The following POU2AF1 variants were observed in gnomAD, a reference collection of about 807,000 sequenced individuals.
POU2AF1 encodes the protein POU class 2 homeobox associating factor 1.
In POU2AF1, 12 loss-of-function variants were observed where a neutral mutation model predicts 26.3. The ratio of observed to expected loss-of-function variants is 0.46; its 90% CI spans 0.29 to 0.74. The LOEUF (loss-of-function observed/expected upper bound fraction) is 0.74, where lower values mean the gene tolerates loss of function less well. Ranked by LOEUF, POU2AF1 falls within the 30% of genes least tolerant of loss-of-function variation. The probability of loss-of-function intolerance (pLI) is 0.09; values close to 1 mark genes in which losing one functional copy is unlikely to be tolerated. For synonymous variants in POU2AF1, 175 were observed against 148.0 expected, an observed-to-expected ratio of 1.18 and a Z score of -1.32; for missense variants, 297 against 334.5, an observed-to-expected ratio of 0.89 and a Z score of 0.87.
At chr11:111,373,355 C>G (rs1370588322) in intron 1 of POU2AF1, among the ~76,000 whole-genome samples, 2 of 152,180 alleles carry the variant, frequency 1.3e-5, no homozygotes, top group East Asian at 3.9e-4. Context: ...CACCTGGGAG[C>G]CATTTGCAGC....
intron 1 of POU2AF1, among the ~76,000 whole-genome samples, chr11:111,361,916 C>T (rs1408130437): frequency 6.6e-6 from 1 of 152,168 alleles, no homozygotes; most frequent in African/African-American, 2.4e-5. Flanking sequence ...TACCAGGTGT[C>T]CCCCTAGGTC....
At chr11:111,373,792 G>A (rs1460038762) in intron 1 of POU2AF1, among the ~76,000 whole-genome samples, 1 of 152,174 alleles carries the variant, frequency 6.6e-6, no homozygotes, top group East Asian at 1.9e-4. Context: ...GGACAAGAGG[G>A]TTTCAGAGAA....
At chr11:111,360,065 T>C in intron 1 of POU2AF1, 1 of 518,878 alleles carries the variant, frequency 1.9e-6, no homozygotes, top group Non-Finnish European at 3.8e-6. Flanking sequence ...AACCAAAGCA[T>C]TGACCCAAAT....
intron 1 of POU2AF1, chr11:111,360,095 C>T: frequency 1.9e-6 from 1 of 514,958 alleles, no homozygotes; most frequent in East Asian, 5.5e-5. Context: ...TGCATAGGGC[C>T]CTTCCTGGCC....
chr11:111,363,845 G>C (rs911811659), intron 1 of POU2AF1: 4 of 985,232 alleles, frequency 4.1e-6, no homozygotes, highest in Non-Finnish European at 3.6e-6. Context: ...TTAATCCTGT[G>C]GTCTGAGGGC....
Position 111,354,113 on chromosome 11 carries a change from A to G in POU2AF1, c.*148T>C, listed in dbSNP as rs1860792195. 1.0e-5 allele frequency: 8 copies of G among 775,458 alleles called. No individual in the cohort carries two copies. Among genetic ancestry groups the G allele is most frequent in the Middle Eastern group, 3.5e-4 (1 of 2,876 alleles). 48.0% of individuals were successfully genotyped at this position (775,458 alleles called of 1,614,324 possible). ...GGGAGGGAGGGGAAGGAAGAAGGGA[A>G]GGAAGGTTTACAGGTCTACAATTCT... On this transcript the variant is annotated 3_prime_UTR_variant, in exon 5 of 5. Coordinates refer to ENST00000393067, the MANE Select transcript of POU2AF1 (RefSeq NM_006235.3).
chr11:111,366,365 A>C (rs1297568219), intron 1 of POU2AF1, among the ~76,000 whole-genome samples: 1 of 152,238 alleles, frequency 6.6e-6, no homozygotes, highest in African/African-American at 2.4e-5. Context: ...AACTGACGTT[A>C]AAGGTGGTTG....
At chr11:111,378,666 G>A (rs1861358220) in intron 1 of POU2AF1, among the ~76,000 whole-genome samples, 1 of 83,788 alleles carries the variant, frequency 1.2e-5, no homozygotes, top group African/African-American at 5.0e-5. Flanking sequence ...CTCCTCCCAG[G>A]GTATCCACAG....
chr11:111,372,069 C>CAGAGAGAGAGAGAGAGAGAGAGAG (rs150182572), intron 1 of POU2AF1, among the ~76,000 whole-genome samples: 1 of 144,258 alleles, frequency 6.9e-6, no homozygotes, highest in Non-Finnish European at 1.5e-5. Context: ...CACACACACA[C>CAGAGAGAGAGAGAGAGAGAGAGAG]AGAGAGAGAG....
chr11:111,364,986 T>A (rs1861077980), intron 1 of POU2AF1, among the ~76,000 whole-genome samples: 1 of 152,184 alleles, frequency 6.6e-6, no homozygotes, highest in African/African-American at 2.4e-5. Context: ...TTAAGCAATA[T>A]CTAATTTTGG....
At chr11:111,377,874 C>G (rs968312648) in intron 1 of POU2AF1, 14 of 181,364 alleles carry the variant, frequency 7.7e-5, no homozygotes, top group African/African-American at 3.3e-4. Flanking sequence ...AGTGGCGTGC[C>G]AACAATTCTT....
intron 1 of POU2AF1, among the ~76,000 whole-genome samples, chr11:111,375,650 T>C (rs540593321): frequency 2.4e-4 from 36 of 152,184 alleles, no homozygotes; most frequent in Non-Finnish European, 4.4e-4. Flanking sequence ...CTGCCCGCCT[T>C]GGCCTCCCAA....
Position 111,357,691 on chromosome 11 carries a change from C to G in POU2AF1, c.210G>C (p.Met70Ile). 6.2e-7 allele frequency: 1 copy of G among 1,612,780 alleles called. No individual in the cohort carries two copies. Among genetic ancestry groups the G allele is most frequent in the Non-Finnish European group, 8.5e-7 (1 of 1,179,392 alleles). The change falls in exon 4 of 5, where the codon ATG (methionine) becomes ATC (isoleucine). Residue 70 changes from methionine (M) to isoleucine (I), a missense_variant. Met to Ile is a conservative substitution (Grantham distance 10, BLOSUM62 1). Transcript: ENST00000393067. ...CTGTCACTGCAGACACAGAACCTTCCATGTCCAGGCAGGAAGGACCTGTGG... is the reference window on the plus strand; with the variant it reads ...CTGTCACTGCAGACACAGAACCTTCGATGTCCAGGCAGGAAGGACCTGTGG... ...YTTVGPSCLD[M>I]EGSVSAVTEE...
chr11:111,358,080 C>T lies in POU2AF1; in HGVS notation c.148-243G>A, dbSNP rs568965836. ...GTCTTCTTCTTCTCAGGGGGGGCCC[C>T]CAACTCACACCAGGGTATGCAAGTC... On this transcript the variant is annotated intron_variant, in intron 2 of 4. Transcript: ENST00000393067. Among the ~76,000 whole-genome samples the T allele has an allele frequency of 3.9e-5, 6 of 152,220 alleles. No homozygotes were observed. The East Asian group carries it at 1.2e-3, about 29-fold the overall frequency.
chr11:111,354,540 C>A lies in POU2AF1; in HGVS notation c.492G>T (p.Pro164=). The change falls in exon 5 of 5, where the codon CCG becomes CCT. Residue 164 remains proline (P), a synonymous_variant. Coordinates refer to ENST00000393067, the MANE Select transcript of POU2AF1 (RefSeq NM_006235.3). ...RSSATPAVGP[P]LEGPEHQAPL... is the part of the protein sequence containing the mutation. ...GTGCCTGGTGCTCTGGGCCCTCCAG[C>A]GGGGGCCCCACTGCGGGCGTGGCGG... 6.5e-7 allele frequency: 1 copy of A among 1,549,402 alleles called. No homozygotes were observed. Among genetic ancestry groups the A allele is most frequent in the South Asian group, 1.2e-5 (1 of 80,944 alleles).
At chr11:111,378,459 G>A (rs1056173999) in intron 1 of POU2AF1, among the ~76,000 whole-genome samples, 3 of 152,164 alleles carry the variant, frequency 2.0e-5, no homozygotes, top group African/African-American at 4.8e-5. Context: ...AAGGTAAGTC[G>A]CTGTTTGGTC....
intron 1 of POU2AF1, chr11:111,364,082 A>G (rs1267877001): frequency 3.3e-5 from 27 of 829,368 alleles, no homozygotes; most frequent in Non-Finnish European, 3.9e-5. Context: ...CCTTTTCCAA[A>G]ATGAGCAATG....
At chr11:111,376,008 A>G (rs1468269354) in intron 1 of POU2AF1, among the ~76,000 whole-genome samples, 1 of 152,230 alleles carries the variant, frequency 6.6e-6, no homozygotes, top group African/African-American at 2.4e-5. Flanking sequence ...CTATCACCCA[A>G]GAATATTTAG....
At chr11:111,358,326 TCTCA>T in intron 2 of POU2AF1, among the ~76,000 whole-genome samples, 3 of 58,930 alleles carry the variant, frequency 5.1e-5, no homozygotes, top group Admixed American at 1.6e-4. Flanking sequence ...ACACGTACTC[TCTCA>T]CACACTCTCA....
Sources: gnomAD v4.1 joint callset for allele counts (sites outside exome capture counted in the v4.1 genomes callset) on GRCh38, gnomAD v4.1.1 for gene constraint, MANE v1.5 for transcripts, NCBI Gene and HGNC (gene_info 2026-07-23, HGNC 2026-07-21) for gene names.